Variants in MKRN2 observed in about 807,000 individuals in gnomAD.
MKRN2 encodes the protein makorin ring finger protein 2, also known as E3 ubiquitin-protein ligase makorin-2.
A neutral mutation model predicts 45.4 loss-of-function variants in MKRN2; 32 were observed. The observed-to-expected ratio is 0.70, with a 90% CI of 0.53 to 0.95. MKRN2 has a LOEUF of 0.95. Ranked by LOEUF, MKRN2 falls within the 40% of genes least tolerant of loss-of-function variation. The pLI is 0.00. For missense variants in MKRN2, 526 were observed against 536.7 expected (o/e 0.98, Z 0.20); for synonymous variants, 206 against 192.4 (o/e 1.07, Z -0.59).
rs1483395464 is a variant in MKRN2, at chr3:12,582,478, G to GAT, written c.*229_*230dup. Reference sequence around the variant, plus strand: ...GTATGGAATTGCTATTTTTATAGCTGATATAGTTACACCTCAAGCCCCTCA... The same window carrying GAT: ...GTATGGAATTGCTATTTTTATAGCTGATATATAGTTACACCTCAAGCCCCTCA... On this transcript the variant is annotated 3_prime_UTR_variant, in exon 8 of 8. Coordinates refer to ENST00000170447, the MANE Select transcript of MKRN2 (RefSeq NM_014160.5). 1 of 535,448 alleles carries GAT rather than the reference G, an allele frequency of 1.9e-6. No individual in the cohort carries two copies. The highest frequency in any genetic ancestry group is 3.2e-6 in the Non-Finnish European group (1 of 309,540). 33.2% of individuals were successfully genotyped at this position (535,448 alleles called of 1,614,324 possible). A position where few individuals can be genotyped will look rare whatever the true frequency, so the allele number is the denominator to read the frequency against.
At chr3:12,565,638 C>T (rs1442590930) in intron 1 of MKRN2, among the ~76,000 whole-genome samples, 1 of 147,700 alleles carries the variant, frequency 6.8e-6, no homozygotes, top group Non-Finnish European at 1.5e-5. Context: ...TGGGCTCAAT[C>T]GATCCTCCTA....
intron 1 of MKRN2, among the ~76,000 whole-genome samples, chr3:12,561,668 T>G (rs1424249066): frequency 2.0e-5 from 3 of 152,228 alleles, no homozygotes; most frequent in Non-Finnish European, 4.4e-5. Context: ...ATATCACTTT[T>G]GTTTAACTGC....
At chr3:12,576,933 GTTTTTT>G (rs71063832) in intron 6 of MKRN2, 192 bp downstream of exon 6, 12 of 55,982 alleles carry the variant, frequency 2.1e-4, no homozygotes, top group South Asian at 8.2e-4. Context: ...TAGTTTTGGT[GTTTTTT>G]TTTTTTTTTT....
chr3:12,572,511 C>A, intron 4 of MKRN2, 138 bp downstream of exon 4: 1 of 727,882 alleles, frequency 1.4e-6, no homozygotes, highest in Non-Finnish European at 2.0e-6. Context: ...CCACAGGCAT[C>A]CCCCTGCCAG....
chr3:12,574,640 G>T, intron 4 of MKRN2, 152 bp from the exon 5 acceptor site: 5 of 712,206 alleles, frequency 7.0e-6, no homozygotes, highest in Non-Finnish European at 1.2e-5. Context: ...TCAGTGTCCT[G>T]ACTTGGGGGA....
At chr3:12,574,229 T>C (rs1234276774) in intron 4 of MKRN2, among the ~76,000 whole-genome samples, 1 of 152,226 alleles carries the variant, frequency 6.6e-6, no homozygotes, top group Non-Finnish European at 1.5e-5. Flanking sequence ...CTGGACAGAC[T>C]GAGCTTACAA....
chr3:12,576,933 G>GTTTTTTTTTT (rs71063832), intron 6 of MKRN2, 192 bp downstream of exon 6: 27 of 55,984 alleles, frequency 4.8e-4, no homozygotes, highest in Non-Finnish European at 6.1e-4. Context: ...TAGTTTTGGT[G>GTTTTTTTTTT]TTTTTTTTTT....
At chr3:12,562,600 G>A (rs761702303) in intron 1 of MKRN2, among the ~76,000 whole-genome samples, 7 of 152,202 alleles carry the variant, frequency 4.6e-5, no homozygotes, top group Non-Finnish European at 1.0e-4. Context: ...TTAGGAACCA[G>A]GCCACACAGC....
chr3:12,558,004 T>C (rs1466963288), intron 1 of MKRN2, among the ~76,000 whole-genome samples: 1 of 152,242 alleles, frequency 6.6e-6, no homozygotes, highest in African/African-American at 2.4e-5. Flanking sequence ...TAATGGAGTC[T>C]AGTCCTATTG....
Position 12,581,708 on chromosome 3 carries a change from A to G in MKRN2, c.969-100A>G. 3.0e-6 allele frequency: 4 copies of G among 1,342,256 alleles called. No homozygotes were observed. In the South Asian group the frequency reaches 5.2e-5, roughly 17 times the overall value. The allele number at this position is 1,342,256 out of a possible 1,614,324, so 83.1% of individuals were successfully genotyped here. ...CCCACCTAGAATGTGAGGCTGACCT[A>G]CCTCTGGCGTAAGGGTGGTAAGGAT... On this transcript the variant is annotated intron_variant, in intron 6 of 7. Transcript: ENST00000170447.
chr3:12,579,988 G>A (rs1172570513), intron 6 of MKRN2, among the ~76,000 whole-genome samples: 2 of 151,928 alleles, frequency 1.3e-5, no homozygotes, highest in Non-Finnish European at 2.9e-5. Context: ...GGGAGTGGGA[G>A]GGAGGCCAGT....
chr3:12,576,393 C>T (rs2058136881), intron 5 of MKRN2, among the ~76,000 whole-genome samples: 1 of 152,092 alleles, frequency 6.6e-6, no homozygotes, highest in Non-Finnish European at 1.5e-5. Flanking sequence ...TCCCCTTGCC[C>T]CTGCACCGAC....
chr3:12,578,652 ATTC>A (rs975328438), intron 6 of MKRN2, among the ~76,000 whole-genome samples: 12 of 152,066 alleles, frequency 7.9e-5, no homozygotes, highest in East Asian at 3.8e-4. Flanking sequence ...TGCCATTGCT[ATTC>A]TTCTTTGTGT....
chr3:12,572,429 C>T, intron 4 of MKRN2, 56 bp downstream of exon 4: 1 of 1,477,038 alleles, frequency 6.8e-7, no homozygotes, highest in Non-Finnish European at 9.1e-7. Flanking sequence ...ATGTACTGAA[C>T]AGGACACGGA....
At chr3:12,560,312 T>G (rs865983916) in intron 1 of MKRN2, among the ~76,000 whole-genome samples, 2 of 152,264 alleles carry the variant, frequency 1.3e-5, no homozygotes, top group South Asian at 4.1e-4. Context: ...CTGACTTCAG[T>G]GTCTTCACCA....
Position 12,582,441 on chromosome 3 carries a change from A to G in MKRN2, c.*188A>G, listed in dbSNP as rs2058189798. On this transcript the variant is annotated 3_prime_UTR_variant, in exon 8 of 8. Coordinates refer to ENST00000170447, the MANE Select transcript of MKRN2 (RefSeq NM_014160.5). ...GGGGAAGAGTGAAAGATATAAAGTA[A>G]CCTAATTAAATGTATGGAATTGCTA... 2.9e-6 allele frequency: 2 copies of G among 686,382 alleles called. No individual in the cohort carries two copies. The highest frequency in any genetic ancestry group is 4.7e-6 in the Non-Finnish European group (2 of 422,400). 42.5% of individuals were successfully genotyped at this position (686,382 alleles called of 1,614,324 possible). A position where few individuals can be genotyped will look rare whatever the true frequency, so the allele number is the denominator to read the frequency against.
chr3:12,563,110 A>G (rs1484616639), intron 1 of MKRN2, among the ~76,000 whole-genome samples: 3 of 152,178 alleles, frequency 2.0e-5, no homozygotes, highest in Non-Finnish European at 4.4e-5. Context: ...CTGACTACCT[A>G]GCAAAGGCTG....
chr3:12,576,715 G>A lies in MKRN2; in HGVS notation c.942G>A (p.Leu314=), dbSNP rs2058139635. ...WVEDQNKKNE[L]IEAFKQGMGK... Reference sequence around the variant, plus strand: ...AAGATCAGAATAAAAAGAACGAGTTGATTGAAGCTTTCAAACAGGGGATGG... The same window carrying A: ...AAGATCAGAATAAAAAGAACGAGTTAATTGAAGCTTTCAAACAGGGGATGG... Residue 314 remains leucine, a synonymous_variant, in exon 6 of 8, where the codon TTG becomes TTA. Transcript: ENST00000170447. 1.2e-6 allele frequency: 2 copies of A among 1,607,224 alleles called. No individual in the cohort carries two copies. Among genetic ancestry groups the A allele is most frequent in the African/African-American group, 1.3e-5 (1 of 74,688 alleles).
intron 2 of MKRN2, among the ~76,000 whole-genome samples, chr3:12,569,504 A>C (rs1459263429): frequency 1.3e-5 from 2 of 152,160 alleles, no homozygotes; most frequent in Non-Finnish European, 2.9e-5. Context: ...ATTCTTATGA[A>C]TATATAGTTA....
Sources: allele counts gnomAD v4.1 joint callset (sites outside exome capture counted in the v4.1 genomes callset), GRCh38; gene constraint gnomAD v4.1.1; transcripts MANE v1.5; gene names NCBI Gene and HGNC (gene_info 2026-07-23, HGNC 2026-07-21).